Variants in TACC2 observed in about 807,000 individuals in gnomAD.
TACC2 encodes the protein transforming acidic coiled-coil-containing protein 2.
TACC2 carries 137 observed loss-of-function variants against 227.3 expected under a neutral mutation model. That is an observed-to-expected ratio of 0.60 (90% CI 0.52 to 0.69). The LOEUF (loss-of-function observed/expected upper bound fraction) is 0.69, where lower values mean the gene tolerates loss of function less well. TACC2 is among the 30% of genes least tolerant of loss of function. The probability of loss-of-function intolerance (pLI) is 0.00; values close to 1 mark genes in which losing one functional copy is unlikely to be tolerated. For synonymous variants in TACC2, 1,523 were observed against 1,487.5 expected (o/e 1.02, Z -0.55); for missense variants, 3,470 against 3,694.4 (o/e 0.94, Z 1.57).
chr10:122,224,634 A>T, intron 11 of TACC2, 92 bp from the exon 12 acceptor site: 2 of 1,134,986 alleles, frequency 1.8e-6, no homozygotes, highest in East Asian at 4.7e-5. Flanking sequence ...GATAGCTCCC[A>T]CCCTGCCTGG....
chr10:122,015,888 G>C (rs915129466), intron 1 of TACC2, among the ~76,000 whole-genome samples: 1 of 151,532 alleles, frequency 6.6e-6, no homozygotes, highest in Non-Finnish European at 1.5e-5. Context: ...CTGTTCCAAG[G>C]CCATTCCCTC....
intron 7 of TACC2, 83 bp downstream of exon 7, chr10:122,143,789 G>C (rs1485076282): frequency 2.7e-6 from 4 of 1,470,274 alleles, no homozygotes; most frequent in Non-Finnish European, 3.7e-6. Context: ...CTTGGGGTGA[G>C]CCGCATTTAG....
At chr10:122,090,382 T>TA (rs2080628764) in intron 5 of TACC2, among the ~76,000 whole-genome samples, 1 of 151,038 alleles carries the variant, frequency 6.6e-6, no homozygotes, top group Non-Finnish European at 1.5e-5. Flanking sequence ...CCGTCTGTAC[T>TA]AAAAAATACA....
chr10:122,107,891 C>CTT (rs2083054339), intron 5 of TACC2, among the ~76,000 whole-genome samples: 6 of 46,984 alleles, frequency 1.3e-4, no homozygotes, highest in Admixed American at 5.3e-4. Context: ...TTTTTTTTTT[C>CTT]TTTTTTCTTT....
Position 122,132,696 on chromosome 10 carries a change from T to C in TACC2, c.5661T>C (p.Asp1887=). 1 of 1,614,084 alleles carries C rather than the reference T, an allele frequency of 6.2e-7. No individual in the cohort carries two copies. The highest frequency in any genetic ancestry group is 1.1e-5 in the South Asian group (1 of 91,062). Reference sequence around the variant, plus strand: ...TAGCTGCCTCTTCCTACCACGGTGATGTTGTTGGCCAGGTCTCTACGGATC... The same window carrying C: ...TAGCTGCCTCTTCCTACCACGGTGACGTTGTTGGCCAGGTCTCTACGGATC... The part of the protein sequence containing the change: ...PTLAASSYHG[D]VVGQVSTDLI... Residue 1887 remains aspartate (D), a synonymous_variant, in exon 6 of 23, where the codon GAT becomes GAC. Coordinates refer to ENST00000369005, the MANE Select transcript of TACC2 (RefSeq NM_206862.4).
chr10:122,091,209 G>A lies in TACC2; in HGVS notation c.5573+2618G>A, dbSNP rs533821803. The stretch of plus-strand genomic sequence containing the variant: ...CCCCTGGCTACGTGTGGATGGAGAT[G>A]TGCTGTAAGTGTAAAATACACACCC... On this transcript the variant is annotated intron_variant, in intron 5 of 22. Coordinates refer to ENST00000369005, the MANE Select transcript of TACC2 (RefSeq NM_206862.4). Among the ~76,000 whole-genome samples, 13 of 152,054 alleles carry A rather than the reference G, an allele frequency of 8.5e-5. No homozygotes were observed. In the East Asian group the frequency reaches 2.5e-3, roughly 29 times the overall value.
At chr10:122,134,838 C>CA (rs2089242330) in intron 6 of TACC2, among the ~76,000 whole-genome samples, 1 of 152,216 alleles carries the variant, frequency 6.6e-6, no homozygotes, top group Non-Finnish European at 1.5e-5. Context: ...GGATGGCTCT[C>CA]AGAGAGCTGC....
At chr10:122,132,537 G>T (rs1048471916) in intron 5 of TACC2, 72 bp from the exon 6 acceptor site, 7 of 1,590,570 alleles carry the variant, frequency 4.4e-6, no homozygotes, top group South Asian at 2.2e-5. Context: ...TAAGAAAAGC[G>T]AAACTCCGTC....
intron 5 of TACC2, among the ~76,000 whole-genome samples, chr10:122,099,071 C>G (rs969791183): frequency 1.9e-4 from 29 of 152,154 alleles, no homozygotes; most frequent in Admixed American, 1.8e-3. Flanking sequence ...CTGAGCACAT[C>G]TCATGGGACA....
chr10:122,033,564 G>A (rs1959203552), intron 2 of TACC2, among the ~76,000 whole-genome samples: 1 of 152,190 alleles, frequency 6.6e-6, no homozygotes, highest in Non-Finnish European at 1.5e-5. Flanking sequence ...AAACTGATTT[G>A]TTGTAAAAGA....
intron 5 of TACC2, among the ~76,000 whole-genome samples, chr10:122,092,669 A>G (rs1177446180): frequency 6.6e-6 from 1 of 152,210 alleles, no homozygotes; most frequent in African/African-American, 2.4e-5. Flanking sequence ...TGGCATGGAT[A>G]TCCTGTGGCT....
intron 8 of TACC2, among the ~76,000 whole-genome samples, chr10:122,199,580 T>C (rs1049803956): frequency 1.3e-5 from 2 of 152,168 alleles, no homozygotes; most frequent in Non-Finnish European, 2.9e-5. Context: ...AGCAGGGGGC[T>C]GTGGTTGCCT....
intron 7 of TACC2, among the ~76,000 whole-genome samples, chr10:122,174,615 GAAAT>G (rs1369420071): frequency 4.6e-5 from 7 of 152,132 alleles, no homozygotes; most frequent in Middle Eastern, 6.8e-3. Flanking sequence ...TTTAAATTGA[GAAAT>G]AAAAATTCCA....
At chr10:122,186,693 A>G (rs768627953) in intron 7 of TACC2, among the ~76,000 whole-genome samples, 21 of 151,970 alleles carry the variant, frequency 1.4e-4, no homozygotes, top group Admixed American at 2.6e-4. Context: ...TTATATTTTT[A>G]GTAGAGATGG....
intron 5 of TACC2, among the ~76,000 whole-genome samples, chr10:122,131,785 G>C (rs1403788020): frequency 6.6e-6 from 1 of 152,164 alleles, no homozygotes; most frequent in Middle Eastern, 3.2e-3. Context: ...ACTTTGGGAG[G>C]CCAAGGCGGG....
intron 5 of TACC2, among the ~76,000 whole-genome samples, chr10:122,099,406 G>A (rs1260397528): frequency 6.6e-6 from 1 of 152,168 alleles, no homozygotes; most frequent in Non-Finnish European, 1.5e-5. Flanking sequence ...CTGGGTAGCA[G>A]CGAAGCTCAC....
intron 11 of TACC2, among the ~76,000 whole-genome samples, chr10:122,221,932 C>G (rs2095531238): frequency 6.6e-6 from 1 of 152,144 alleles, no homozygotes; most frequent in African/African-American, 2.4e-5. Flanking sequence ...AAGCCCCCAG[C>G]AATTAGAGAC....
intron 3 of TACC2, among the ~76,000 whole-genome samples, chr10:122,060,714 A>G (rs2076691800): frequency 6.6e-6 from 1 of 152,208 alleles, no homozygotes; most frequent in Non-Finnish European, 1.5e-5. Flanking sequence ...AGAAGGAAAA[A>G]GAAAAAGAGG....
At chr10:122,124,064 G>A (rs1448770584) in intron 5 of TACC2, among the ~76,000 whole-genome samples, 3 of 151,994 alleles carry the variant, frequency 2.0e-5, no homozygotes, top group Admixed American at 6.6e-5. Flanking sequence ...TGCCCGCCAC[G>A]GCCTCCCAAA....
Sources: allele counts gnomAD v4.1 joint callset (sites outside exome capture counted in the v4.1 genomes callset), GRCh38; gene constraint gnomAD v4.1.1; transcripts MANE v1.5; gene names NCBI Gene and HGNC (gene_info 2026-07-23, HGNC 2026-07-21).